Variants in LRRK2 observed in about 807,000 individuals in gnomAD.
LRRK2 encodes leucine rich repeat kinase 2.
In LRRK2, 203 loss-of-function variants were observed where a neutral mutation model predicts 302.6. That is an observed-to-expected ratio of 0.67 (90% CI 0.60 to 0.75). LRRK2 has a LOEUF of 0.75. LRRK2 is among the 30% of genes least tolerant of loss of function. LRRK2 has a pLI of 0.00. For synonymous variants in LRRK2, 1,066 were observed against 1,031.9 expected, an observed-to-expected ratio of 1.03 and a Z score of -0.63; for missense variants, 2,830 against 2,951.0, an observed-to-expected ratio of 0.96 and a Z score of 0.95.
chr12:40,253,282 A>G (rs1942360385), intron 11 of LRRK2, among the ~76,000 whole-genome samples: 1 of 152,202 alleles, frequency 6.6e-6, no homozygotes, highest in Non-Finnish European at 1.5e-5. Flanking sequence ...TGTATTTTGT[A>G]GAAATGGGAT....
chr12:40,231,028 G>A (rs1941154219), intron 2 of LRRK2, among the ~76,000 whole-genome samples: 1 of 152,022 alleles, frequency 6.6e-6, no homozygotes, highest in Non-Finnish European at 1.5e-5. Flanking sequence ...CTATTTTATA[G>A]AGCTCTTTCT....
intron 22 of LRRK2, among the ~76,000 whole-genome samples, chr12:40,295,180 C>G (rs1944331177): frequency 6.6e-6 from 1 of 151,598 alleles, no homozygotes; most frequent in Non-Finnish European, 1.5e-5. Flanking sequence ...ACCAAGGCCA[C>G]TCTTCATCCT....
In LRRK2 at chr12:40,341,050, A is replaced by G. The variant is rs1242479840; in HGVS notation, c.6109+596A>G. 3.3e-5 allele frequency among the ~76,000 whole-genome samples: 5 copies of G among 152,250 alleles called. No homozygotes were observed. In the South Asian group the frequency reaches 1.0e-3, roughly 32 times the overall value. ...AGGGTTTCTGTACACATCACTGTCT[A>G]CCCTGTGGAATCTTACCTCCCTTTC... On this transcript the variant is annotated intron_variant, in intron 41 of 50. Transcript: ENST00000298910.
At chr12:40,328,496 A>T (rs201687972) in intron 39 of LRRK2, 36 bp downstream of exon 39, 29 of 1,449,246 alleles carry the variant, frequency 2.0e-5, no homozygotes, top group Non-Finnish European at 2.0e-5. Context: ...ATTAAATTGC[A>T]CATTATTAAT....
At chr12:40,312,729 G>A (rs7302503) in intron 31 of LRRK2, 106,009 of 151,820 alleles carry the variant, frequency 0.7, 37,337 homozygotes, top group African/African-American at 0.77. Context: ...GCATCTCTGT[G>A]GGCCTTGAGA....
intron 49 of LRRK2, chr12:40,366,233 C>T (rs1376230010): frequency 6.6e-6 from 1 of 151,866 alleles, no homozygotes; most frequent in Non-Finnish European, 1.5e-5. Flanking sequence ...GGGATTTGCA[C>T]ATGCTGTTTA....
chr12:40,347,201 A>G (rs1946213779), intron 42 of LRRK2, among the ~76,000 whole-genome samples: 1 of 152,184 alleles, frequency 6.6e-6, no homozygotes, highest in Non-Finnish European at 1.5e-5. Context: ...ACATTTGGTG[A>G]TTTTTAATTT....
chr12:40,351,954 C>T (rs1024495277), intron 44 of LRRK2, among the ~76,000 whole-genome samples: 1 of 152,052 alleles, frequency 6.6e-6, no homozygotes, highest in African/African-American at 2.4e-5. Flanking sequence ...TTATCTTGCA[C>T]AAGTGATTTA....
intron 20 of LRRK2, among the ~76,000 whole-genome samples, chr12:40,291,431 A>AATAT (rs57902292): frequency 0.037 from 5,366 of 146,322 alleles, 332 homozygotes; most frequent in African/African-American, 0.12. Context: ...AGTATAATAA[A>AATAT]ATATATATAT....
At position 40,310,571 on chromosome 12, in the gene LRRK2, C is replaced by T. The variant is rs1945007170; in HGVS notation, c.4458C>T (p.His1486=). ...KRGFPAIRDY[H]FVNATEESDA... The stretch of plus-strand genomic sequence containing the variant: ...GGTTCCCTGCCATACGAGATTACCA[C>T]TTTGTGAATGCCACCGAGGAATCTG... Residue 1486 remains histidine, a synonymous_variant, in exon 31 of 51, where the codon CAC becomes CAT. Coordinates refer to ENST00000298910, the MANE Select transcript of LRRK2 (RefSeq NM_198578.4). The T allele has an allele frequency of 6.2e-7, 1 of 1,612,480 alleles. No homozygotes were observed. The highest frequency in any genetic ancestry group is 8.5e-7 in the Non-Finnish European group (1 of 1,179,648).
At position 40,321,027 on chromosome 12, in the gene LRRK2, C is replaced by T. The variant is rs1050282159; in HGVS notation, c.5016-7C>T. The T allele has an allele frequency of 6.2e-7, 1 of 1,612,322 alleles. No homozygotes were observed. Among genetic ancestry groups the T allele is most frequent in the Non-Finnish European group, 8.5e-7 (1 of 1,178,658 alleles). On this transcript the variant is annotated splice_region_variant and splice_polypyrimidine_tract_variant and intron_variant, in intron 34 of 50. Transcript: ENST00000298910. Reference sequence around the variant, plus strand: ...GCTGTATAACCATAGTGTCCTTTTGCCTTTAGTTTGTCTGACCACAGGCCT... The same window carrying T: ...GCTGTATAACCATAGTGTCCTTTTGTCTTTAGTTTGTCTGACCACAGGCCT...
intron 3 of LRRK2, among the ~76,000 whole-genome samples, chr12:40,235,279 A>T (rs999198209): frequency 3.9e-5 from 6 of 152,154 alleles, no homozygotes; most frequent in African/African-American, 1.4e-4. Context: ...AGACCAGCCT[A>T]GGCAAAATAG....
At chr12:40,307,781 C>CT (rs201473630) in intron 28 of LRRK2, among the ~76,000 whole-genome samples, 78,413 of 119,354 alleles carry the variant, frequency 0.66, 26,060 homozygotes, top group South Asian at 0.72. Context: ...CTTTTCTTTT[C>CT]TTTTTTTTTT....
In LRRK2 at chr12:40,367,725, A is replaced by T; in HGVS notation, c.7544A>T (p.Lys2515Ile). 1 of 1,605,164 alleles carries T rather than the reference A, an allele frequency of 6.2e-7. No homozygotes were observed. Among genetic ancestry groups the T allele is most frequent in the South Asian group, 1.1e-5 (1 of 90,158 alleles). The change falls in exon 51 of 51, where the codon AAA becomes ATA. Residue 2515 changes from lysine (K) to isoleucine (I), a missense_variant. Coordinates refer to ENST00000298910, the MANE Select transcript of LRRK2 (RefSeq NM_198578.4). ...QNLEKHIEVR[K>I]ELAEKMRRTS... ...TTAGAAAAACACATTGAAGTGAGAA[A>T]AGAATTAGCTGAAAAAATGAGACGA... is the stretch of plus-strand genomic sequence containing the variant.
In LRRK2 at chr12:40,321,083, G is replaced by A; in HGVS notation, c.5065G>A (p.Glu1689Lys). ...AGAGCTTCCCCATTGTGAGAACTCTGAAATTATCATCCGACTATATGAAAT... is the reference window on the plus strand; with the variant it reads ...AGAGCTTCCCCATTGTGAGAACTCTAAAATTATCATCCGACTATATGAAAT... ...VIELPHCENSEIIIRLYEMPY... is the reference protein window; with the variant it reads ...VIELPHCENSKIIIRLYEMPY... Residue 1689 changes from glutamate (E) to lysine (K), a missense_variant, in exon 35 of 51, where the codon GAA becomes AAA. This residue lies in a region of LRRK2 where 2,121 missense variants were observed against 2,148.0 expected (regional missense o/e 0.99). Transcript: ENST00000298910. 6.2e-7 allele frequency: 1 copy of A among 1,612,888 alleles called. No homozygotes were observed. Among genetic ancestry groups the A allele is most frequent in the Non-Finnish European group, 8.5e-7 (1 of 1,179,070 alleles).
intron 39 of LRRK2, among the ~76,000 whole-genome samples, chr12:40,331,119 CT>C (rs1346883785): frequency 2.6e-5 from 4 of 152,036 alleles, no homozygotes; most frequent in South Asian, 2.1e-4. Flanking sequence ...TCTCTTTTAT[CT>C]TGTCAGTTTT....
chr12:40,235,335 G>A (rs957292902), intron 3 of LRRK2, among the ~76,000 whole-genome samples: 2 of 152,174 alleles, frequency 1.3e-5, no homozygotes, highest in African/African-American at 4.8e-5. Context: ...AGCCTGGTGT[G>A]GTGGCATGTA....
chr12:40,331,343 A>G, intron 39 of LRRK2, among the ~76,000 whole-genome samples: 1 of 152,206 alleles, frequency 6.6e-6, no homozygotes, highest in East Asian at 1.9e-4. Context: ...TCTTTAGGTT[A>G]CATGGGCAGG....
chr12:40,333,477 C>A (rs1178484666), intron 39 of LRRK2, among the ~76,000 whole-genome samples: 1 of 152,062 alleles, frequency 6.6e-6, no homozygotes, highest in East Asian at 1.9e-4. Flanking sequence ...GAGTAAAGTG[C>A]AATATACAGT....
Sources: gnomAD v4.1 joint callset for allele counts (sites outside exome capture counted in the v4.1 genomes callset) on GRCh38, gnomAD v4.1.1 for gene constraint, gnomAD v4.1.1 regional missense constraint, MANE v1.5 for transcripts, NCBI Gene and HGNC (gene_info 2026-07-23, HGNC 2026-07-21) for gene names.